MACROD2: variants seen among roughly 807,000 people sequenced by gnomAD.
MACROD2 encodes mono-ADP ribosylhydrolase 2.
A neutral mutation model predicts 70.4 loss-of-function variants in MACROD2; 36 were observed. The observed-to-expected ratio is 0.51, with a 90% CI of 0.39 to 0.68. The LOEUF (loss-of-function observed/expected upper bound fraction) is 0.68. MACROD2 is among the 30% of genes least tolerant of loss of function. The probability of loss-of-function intolerance (pLI) is 0.00; values close to 1 mark genes in which losing one functional copy is unlikely to be tolerated. For missense variants in MACROD2, 496 were observed against 538.4 expected, an observed-to-expected ratio of 0.92 and a Z score of 0.78; for synonymous variants, 172 against 178.8, an observed-to-expected ratio of 0.96 and a Z score of 0.30.
rs149809504 is a variant in MACROD2 at position 15,334,373 on chromosome 20, T to TA, written c.541-97030dup. On this transcript the variant is annotated intron_variant, in intron 6 of 17. Transcript: ENST00000684519. ...TTTATTTTTGACCTCTTCACTCTATTAATGGCAAATAGTAAAAGATTACAT... is the reference window on the plus strand; with the variant it reads ...TTTATTTTTGACCTCTTCACTCTATTAAATGGCAAATAGTAAAAGATTACAT... Among the ~76,000 whole-genome samples, 662 of 151,774 alleles carry TA rather than the reference T, an allele frequency of 4.4e-3. 31 individuals carry two copies. The highest frequency in any genetic ancestry group is 0.016 in the African/African-American group (641 of 41,116).
chr20:14,069,049 A>C (rs182861999), intron 2 of MACROD2, among the ~76,000 whole-genome samples: 1 of 152,082 alleles, frequency 6.6e-6, no homozygotes, highest in Admixed American at 6.6e-5. Flanking sequence ...CCTGGGTTCA[A>C]GCGATTCTCC....
intron 5 of MACROD2, among the ~76,000 whole-genome samples, chr20:15,140,256 C>A (rs1027666311): frequency 6.6e-6 from 1 of 152,132 alleles, no homozygotes; most frequent in African/African-American, 2.4e-5. Flanking sequence ...AGCATAAGAA[C>A]TTTTCCCTGA....
intron 5 of MACROD2, among the ~76,000 whole-genome samples, chr20:14,768,426 T>C (rs1337045312): frequency 6.6e-6 from 1 of 152,160 alleles, no homozygotes; most frequent in Non-Finnish European, 1.5e-5. Context: ...TTTATTTCCC[T>C]GTTCTCAGTT....
At chr20:15,585,767 ATT>A (rs11296680) in intron 8 of MACROD2, among the ~76,000 whole-genome samples, 277 of 149,308 alleles carry the variant, frequency 1.9e-3, no homozygotes, top group Middle Eastern at 0.017. Context: ...TCACTGCCTC[ATT>A]TTTTTTTTTT....
intron 6 of MACROD2, among the ~76,000 whole-genome samples, chr20:15,285,913 T>C (rs2146097167): frequency 6.6e-6 from 1 of 152,246 alleles, no homozygotes; most frequent in African/African-American, 2.4e-5. Flanking sequence ...TTCATACATA[T>C]GTGGCAATTC....
intron 5 of MACROD2, among the ~76,000 whole-genome samples, chr20:14,749,738 CAT>C (rs1388749489): frequency 6.6e-6 from 1 of 151,990 alleles, no homozygotes; most frequent in Non-Finnish European, 1.5e-5. Context: ...TTTATTTACT[CAT>C]ATAGGCATAC....
chr20:14,425,710 A>G (rs2083925195), intron 3 of MACROD2, among the ~76,000 whole-genome samples: 1 of 152,116 alleles, frequency 6.6e-6, no homozygotes, highest in Admixed American at 6.5e-5. Context: ...TTTTGTATCA[A>G]CTGTCATCAT....
At chr20:14,566,780 T>C (rs913975670) in intron 4 of MACROD2, 2 of 151,984 alleles carry the variant, frequency 1.3e-5, no homozygotes, top group African/African-American at 4.8e-5. Context: ...TGGAAAACTC[T>C]AAAGGGCTAT....
At position 14,853,807 on chromosome 20, in the gene MACROD2, T is replaced by TTTTTG. The variant is rs372083863; in HGVS notation, c.418+168874_418+168878dup. 6.9e-3 allele frequency among the ~76,000 whole-genome samples: 1,054 copies of TTTTTG among 151,994 alleles called. 10 individuals are homozygous for TTTTTG. The highest frequency in any genetic ancestry group is 0.023 in the African/African-American group (964 of 41,432). ...CTATAAGGAGAAATATACACAAACT[T>TTTTTG]TTTTGTTTTGTTTTGTTTTGTTTTG... On this transcript the variant is annotated intron_variant, in intron 5 of 17. Transcript: ENST00000684519.
In MACROD2 at chr20:14,517,020, T is replaced by C. The variant is rs922125358; in HGVS notation, c.301+23512T>C. 8.5e-5 allele frequency among the ~76,000 whole-genome samples: 13 copies of C among 152,230 alleles called. No individual in the cohort carries two copies. In the South Asian group the frequency reaches 1.5e-3, roughly 17 times the overall value. The stretch of plus-strand genomic sequence containing the variant: ...CTCATGCCAGTTAGAATGGTGATCA[T>C]TAAAAAGTCAGGAAAGAACAGATGC... On this transcript the variant is annotated intron_variant, in intron 4 of 17. Coordinates refer to ENST00000684519, the MANE Select transcript of MACROD2 (RefSeq NM_001351661.2).
chr20:15,613,952 T>G (rs2049003795), intron 8 of MACROD2, among the ~76,000 whole-genome samples: 1 of 152,204 alleles, frequency 6.6e-6, no homozygotes, highest in Non-Finnish European at 1.5e-5. Context: ...TGACTGCACC[T>G]TACACCTATG....
At chr20:14,676,570 T>C (rs1278266833) in intron 4 of MACROD2, among the ~76,000 whole-genome samples, 1 of 152,100 alleles carries the variant, frequency 6.6e-6, no homozygotes, top group African/African-American at 2.4e-5. Context: ...TAAAGCAGTG[T>C]TTAGAGGGAA....
At chr20:14,551,855 G>T (rs1362624699) in intron 4 of MACROD2, among the ~76,000 whole-genome samples, 4 of 152,114 alleles carry the variant, frequency 2.6e-5, no homozygotes, top group East Asian at 1.9e-4. Flanking sequence ...CTGCTCTAAA[G>T]TTGGCTGTAA....
chr20:14,862,625 A>G (rs181559424), intron 5 of MACROD2, among the ~76,000 whole-genome samples: 1,691 of 11,404 alleles, frequency 0.15, 204 homozygotes, highest in Middle Eastern at 0.21. Flanking sequence ...AAATATATAT[A>G]TATAAATATA....
At chr20:14,048,672 TG>T (rs1229574078) in intron 2 of MACROD2, among the ~76,000 whole-genome samples, 1 of 152,078 alleles carries the variant, frequency 6.6e-6, no homozygotes, top group Non-Finnish European at 1.5e-5. Flanking sequence ...ATATAGTATT[TG>T]GGAGTACTTA....
rs554052124 is a variant in MACROD2 at position 14,614,445 on chromosome 20, T to C, written c.302-70398T>C. Among the ~76,000 whole-genome samples, 424 of 152,140 alleles carry C rather than the reference T, an allele frequency of 2.8e-3. 1 individual carries two copies. The highest frequency in any genetic ancestry group is 3.9e-3 in the Non-Finnish European group (264 of 67,980). ...GGCCCAGTACTGGGAGCAATTGAAA[T>C]TGGGAGCAATTATTGAAATTGCTGA... On this transcript the variant is annotated intron_variant, in intron 4 of 17. Coordinates refer to ENST00000684519, the MANE Select transcript of MACROD2 (RefSeq NM_001351661.2).
At chr20:15,487,655 A>G (rs745969106) in intron 7 of MACROD2, among the ~76,000 whole-genome samples, 3 of 152,138 alleles carry the variant, frequency 2.0e-5, no homozygotes, top group Non-Finnish European at 4.4e-5. Context: ...AGAACTCAGA[A>G]TAGAGTGTCA....
intron 8 of MACROD2, among the ~76,000 whole-genome samples, chr20:15,819,214 T>C (rs1432366190): frequency 1.4e-5 from 2 of 142,568 alleles, no homozygotes; most frequent in East Asian, 3.9e-4. Context: ...TTTATATATA[T>C]AAAAATATAT....
At chr20:14,425,808 C>T (rs2083926422) in intron 3 of MACROD2, among the ~76,000 whole-genome samples, 1 of 152,102 alleles carries the variant, frequency 6.6e-6, no homozygotes, top group African/African-American at 2.4e-5. Flanking sequence ...ATCTTCCTGT[C>T]TTAGTTTATT....
Sources: allele counts gnomAD v4.1 joint callset (sites outside exome capture counted in the v4.1 genomes callset), GRCh38; gene constraint gnomAD v4.1.1; transcripts MANE v1.5; gene names NCBI Gene and HGNC (gene_info 2026-07-23, HGNC 2026-07-21).